Variants in ZHX2 observed in about 807,000 individuals in gnomAD.
The protein encoded by ZHX2 is zinc fingers and homeoboxes protein 2.
Under a neutral mutation model 21.9 loss-of-function variants are expected in ZHX2, and 6 were observed. The ratio of observed to expected loss-of-function variants is 0.27; its 90% CI spans 0.15 to 0.54. The LOEUF is 0.54. ZHX2 is among the 20% of genes least tolerant of loss of function. ZHX2 has a pLI of 0.95. For missense variants in ZHX2, 908 were observed against 1,090.7 expected (o/e 0.83, Z 2.36); for synonymous variants, 434 against 437.1 (o/e 0.99, Z 0.09).
At chr8:122,929,309 C>T (rs573839961) in intron 2 of ZHX2, among the ~76,000 whole-genome samples, 12 of 152,234 alleles carry the variant, frequency 7.9e-5, no homozygotes, top group African/African-American at 2.6e-4. Context: ...TAGGGTTTTG[C>T]TTCTTCATAT....
At position 122,789,675 on chromosome 8, in the gene ZHX2, T is replaced by G. The variant is rs1586572049; in HGVS notation, c.-283+7729T>G. On this transcript the variant is annotated intron_variant, in intron 1 of 3. Coordinates refer to ENST00000314393, the MANE Select transcript of ZHX2 (RefSeq NM_014943.5). Reference sequence around the variant, plus strand: ...AGGTAGATAATGCAGGGATGTGAACTGACAGATAGAAGCTGGAGAAAGAGA... The same window carrying G: ...AGGTAGATAATGCAGGGATGTGAACGGACAGATAGAAGCTGGAGAAAGAGA... Among the ~76,000 whole-genome samples the G allele has an allele frequency of 1.3e-5, 2 of 152,162 alleles. 1 individual carries two copies. Among genetic ancestry groups the G allele is most frequent in the Non-Finnish European group, 2.9e-5 (2 of 68,038 alleles).
At chr8:122,836,011 G>A (rs1171210536) in intron 1 of ZHX2, among the ~76,000 whole-genome samples, 1 of 152,120 alleles carries the variant, frequency 6.6e-6, no homozygotes, top group Non-Finnish European at 1.5e-5. Context: ...GTCCTTTGGA[G>A]TGGAAGACTG....
intron 1 of ZHX2, among the ~76,000 whole-genome samples, chr8:122,845,102 A>C (rs1818725700): frequency 6.6e-6 from 1 of 152,190 alleles, no homozygotes; most frequent in Admixed American, 6.5e-5. Flanking sequence ...AGACAAAGAG[A>C]ATTGGAATTT....
At chr8:122,881,147 G>A (rs538644451) in intron 2 of ZHX2, among the ~76,000 whole-genome samples, 30 of 152,320 alleles carry the variant, frequency 2.0e-4, no homozygotes, top group South Asian at 1.0e-3. Context: ...TGCAGGATCC[G>A]TGCGGGAGCA....
At chr8:122,845,486 T>C (rs1218467648) in intron 1 of ZHX2, among the ~76,000 whole-genome samples, 1 of 152,260 alleles carries the variant, frequency 6.6e-6, no homozygotes, top group Non-Finnish European at 1.5e-5. Flanking sequence ...GGCTGTTATC[T>C]CTGGAATACT....
chr8:122,862,092 C>T (rs1819181533), intron 1 of ZHX2, among the ~76,000 whole-genome samples: 2 of 152,220 alleles, frequency 1.3e-5, no homozygotes, highest in African/African-American at 4.8e-5. Flanking sequence ...GGAGGGAAGC[C>T]TGTGGCCAGT....
At chr8:122,919,673 A>G (rs972515163) in intron 2 of ZHX2, among the ~76,000 whole-genome samples, 4 of 152,172 alleles carry the variant, frequency 2.6e-5, no homozygotes, top group South Asian at 2.1e-4. Context: ...AATCATGACA[A>G]CCGTCAGAGG....
chr8:122,903,920 C>T (rs1272593091), intron 2 of ZHX2, among the ~76,000 whole-genome samples: 3 of 152,080 alleles, frequency 2.0e-5, no homozygotes, highest in Non-Finnish European at 4.4e-5. Context: ...CACATTTTCT[C>T]TATTTCTCCC....
chr8:122,843,454 G>C (rs984217239), intron 1 of ZHX2, among the ~76,000 whole-genome samples: 3 of 152,218 alleles, frequency 2.0e-5, no homozygotes, highest in Non-Finnish European at 4.4e-5. Context: ...TTTCTGGTTA[G>C]AGGAGCCTTT....
At chr8:122,894,155 G>T (rs371747489) in intron 2 of ZHX2, among the ~76,000 whole-genome samples, 1 of 152,224 alleles carries the variant, frequency 6.6e-6, no homozygotes, top group African/African-American at 2.4e-5. Flanking sequence ...TGGCCCTTCT[G>T]GGGGCAGGGG....
At chr8:122,792,098 T>A (rs968351768) in intron 1 of ZHX2, among the ~76,000 whole-genome samples, 2 of 152,052 alleles carry the variant, frequency 1.3e-5, no homozygotes, top group Admixed American at 1.3e-4. Flanking sequence ...CAGAAAGAGA[T>A]CCTGTGTACC....
At chr8:122,902,127 G>A (rs537724276) in intron 2 of ZHX2, among the ~76,000 whole-genome samples, 4 of 152,250 alleles carry the variant, frequency 2.6e-5, no homozygotes, top group Admixed American at 1.3e-4. Context: ...TCATGGAATC[G>A]GAAAGTAACT....
chr8:122,865,284 A>G (rs1050450012), intron 2 of ZHX2, among the ~76,000 whole-genome samples: 6 of 151,922 alleles, frequency 3.9e-5, no homozygotes, highest in African/African-American at 1.5e-4. Flanking sequence ...GCCCACCACC[A>G]CGCCCAGCTA....
chr8:122,894,392 C>A (rs1266237471), intron 2 of ZHX2, among the ~76,000 whole-genome samples: 1 of 152,158 alleles, frequency 6.6e-6, no homozygotes, highest in African/African-American at 2.4e-5. Context: ...TAAGGTGACA[C>A]CATGCATGGA....
At position 122,952,512 on chromosome 8, in the gene ZHX2, C is replaced by T. The variant is rs1813148136; in HGVS notation, c.1002C>T (p.Phe334=). 1.9e-6 allele frequency: 3 copies of T among 1,614,072 alleles called. No individual in the cohort carries two copies. The highest frequency in any genetic ancestry group is 2.5e-6 in the Non-Finnish European group (3 of 1,180,056). The change falls in exon 3 of 4, where the codon TTC becomes TTT. Residue 334 remains phenylalanine, a synonymous_variant. Transcript: ENST00000314393. The surrounding 1 kb of genome is among the most constrained non-coding windows in gnomAD (Gnocchi z 6.9). ...TGGAGGAGGCCCGGAAGAAGATGTT[C>T]AACGGCACCATCCAGTCAGTACCCC... ...EEVEEARKKM[F]NGTIQSVPPT...
chr8:122,902,254 G>T (rs976559908), intron 2 of ZHX2, among the ~76,000 whole-genome samples: 3 of 152,206 alleles, frequency 2.0e-5, no homozygotes, highest in Admixed American at 6.5e-5. Context: ...ATACAAAAAT[G>T]AGTAAGATTG....
chr8:122,961,414 C>G (rs890516551), intron 3 of ZHX2, among the ~76,000 whole-genome samples: 1 of 152,136 alleles, frequency 6.6e-6, no homozygotes, highest in African/African-American at 2.4e-5. Flanking sequence ...TGCTTACAAA[C>G]AGTTGTCTGT....
intron 3 of ZHX2, among the ~76,000 whole-genome samples, chr8:122,969,415 C>T (rs7831188): frequency 6.6e-6 from 1 of 151,892 alleles, no homozygotes; most frequent in East Asian, 1.9e-4. Flanking sequence ...ACTGCCCCCC[C>T]CAAAAATAGA....
At chr8:122,897,046 T>G (rs1820115873) in intron 2 of ZHX2, among the ~76,000 whole-genome samples, 1 of 152,240 alleles carries the variant, frequency 6.6e-6, no homozygotes, top group Non-Finnish European at 1.5e-5. Context: ...GAAACTGATG[T>G]CCTGAGCCTG....
Sources: gnomAD v4.1 joint callset for allele counts (sites outside exome capture counted in the v4.1 genomes callset) on GRCh38, gnomAD v4.1.1 for gene constraint, Gnocchi (gnomAD v3.1) non-coding constraint, MANE v1.5 for transcripts, NCBI Gene and HGNC (gene_info 2026-07-23, HGNC 2026-07-21) for gene names.